The following ROBO1 variants were observed in gnomAD, a reference collection of about 807,000 sequenced individuals.
ROBO1 encodes roundabout homolog 1.
Under a neutral mutation model 195.9 loss-of-function variants are expected in ROBO1, and 149 were observed. The ratio of observed to expected loss-of-function variants is 0.76; its 90% CI spans 0.67 to 0.87. The LOEUF is 0.87. Ranked by LOEUF, ROBO1 falls within the 40% of genes least tolerant of loss-of-function variation. The pLI is 0.00. For synonymous variants in ROBO1, 816 were observed against 733.2 expected (o/e 1.11, Z -1.82); for missense variants, 1,933 against 2,068.3 (o/e 0.93, Z 1.27).
intron 2 of ROBO1, among the ~76,000 whole-genome samples, chr3:79,486,639 TGCCCA>T (rs1192106973): frequency 1.3e-5 from 2 of 152,204 alleles, no homozygotes; most frequent in African/African-American, 2.4e-5. Context: ...AATATTGGGT[TGCCCA>T]GCAAAATTTT....
intron 3 of ROBO1, among the ~76,000 whole-genome samples, chr3:78,969,691 G>T (rs533022423): frequency 6.6e-6 from 1 of 152,144 alleles, no homozygotes; most frequent in Admixed American, 6.5e-5. Context: ...AGAGCCACAT[G>T]TGGAGATTTT....
At chr3:78,777,868 T>C (rs1441547936) in intron 4 of ROBO1, among the ~76,000 whole-genome samples, 1 of 152,256 alleles carries the variant, frequency 6.6e-6, no homozygotes, top group African/African-American at 2.4e-5. Flanking sequence ...CTTCCAATTC[T>C]ATATTGAATA....
intron 5 of ROBO1, among the ~76,000 whole-genome samples, chr3:78,731,614 T>G (rs1423137439): frequency 1.3e-5 from 2 of 152,172 alleles, no homozygotes; most frequent in African/African-American, 4.8e-5. Context: ...ATTCTTATGA[T>G]TTCAGTCATC....
chr3:79,377,482 G>A (rs1484269135), intron 2 of ROBO1, among the ~76,000 whole-genome samples: 1 of 152,154 alleles, frequency 6.6e-6, no homozygotes, highest in African/African-American at 2.4e-5. Flanking sequence ...CTAATTGAGC[G>A]ATGAACAGAA....
At chr3:78,722,702 T>G (rs58423115) in intron 5 of ROBO1, among the ~76,000 whole-genome samples, 42,660 of 151,942 alleles carry the variant, frequency 0.28, 6,429 homozygotes, top group African/African-American at 0.4. Flanking sequence ...TAAAAAGGAT[T>G]TCTAAATCCT....
intron 4 of ROBO1, among the ~76,000 whole-genome samples, chr3:78,854,792 T>A (rs550718692): frequency 6.6e-6 from 1 of 152,208 alleles, no homozygotes; most frequent in Non-Finnish European, 1.5e-5. Context: ...TCTAAAAAAA[T>A]GCGATGAAGA....
intron 4 of ROBO1, among the ~76,000 whole-genome samples, chr3:78,768,533 A>G (rs1344622276): frequency 2.0e-5 from 3 of 151,810 alleles, no homozygotes; most frequent in Non-Finnish European, 4.4e-5. Context: ...GCATGGTTTG[A>G]TGTTTTTCTA....
At chr3:78,785,734 C>T (rs186198350) in intron 4 of ROBO1, among the ~76,000 whole-genome samples, 56 of 152,256 alleles carry the variant, frequency 3.7e-4, no homozygotes, top group Admixed American at 3.0e-3. Context: ...GTCCACCGTA[C>T]GTTTTCATTG....
At chr3:79,317,588 A>C (rs1160880050) in intron 2 of ROBO1, among the ~76,000 whole-genome samples, 1 of 152,136 alleles carries the variant, frequency 6.6e-6, no homozygotes, top group Admixed American at 6.6e-5. Context: ...TCATGTTATA[A>C]ACAAATCTAA....
At chr3:78,745,125 C>T (rs942786584) in intron 5 of ROBO1, among the ~76,000 whole-genome samples, 1 of 151,578 alleles carries the variant, frequency 6.6e-6, no homozygotes, top group East Asian at 2.0e-4. Flanking sequence ...CTGGCCAACA[C>T]GGTGAAACCT....
At chr3:79,571,779 C>T (rs1189675524) in intron 2 of ROBO1, among the ~76,000 whole-genome samples, 2 of 151,992 alleles carry the variant, frequency 1.3e-5, no homozygotes, top group South Asian at 2.1e-4. Flanking sequence ...TATCAACACC[C>T]AGAGGAAGGA....
intron 5 of ROBO1, among the ~76,000 whole-genome samples, chr3:78,740,276 A>T (rs1411750455): frequency 6.6e-6 from 1 of 152,118 alleles, no homozygotes; most frequent in East Asian, 1.9e-4. Context: ...ATAAAATGAG[A>T]TGATATAAAA....
chr3:78,829,748 T>C (rs1233756912), intron 4 of ROBO1, among the ~76,000 whole-genome samples: 1 of 152,050 alleles, frequency 6.6e-6, no homozygotes, highest in Non-Finnish European at 1.5e-5. Flanking sequence ...TAGATAAGAG[T>C]TCTAATTCTC....
At chr3:79,283,552 A>G (rs1408836495) in intron 2 of ROBO1, among the ~76,000 whole-genome samples, 1 of 152,158 alleles carries the variant, frequency 6.6e-6, no homozygotes, top group Non-Finnish European at 1.5e-5. Context: ...AAAAATTTAG[A>G]TTTTATAGTT....
At chr3:78,676,641 A>C (rs1708450446) in intron 10 of ROBO1, among the ~76,000 whole-genome samples, 1 of 152,130 alleles carries the variant, frequency 6.6e-6, no homozygotes, top group South Asian at 2.1e-4. Flanking sequence ...AATAAAAAGA[A>C]ATGAACAAAG....
chr3:79,332,652 G>A (rs905018369), intron 2 of ROBO1, among the ~76,000 whole-genome samples: 7 of 151,390 alleles, frequency 4.6e-5, no homozygotes, highest in Admixed American at 2.0e-4. Context: ...CAGCTACAAC[G>A]TTAAAATTAA....
At chr3:79,454,813 T>C (rs1464235748) in intron 2 of ROBO1, among the ~76,000 whole-genome samples, 1 of 152,132 alleles carries the variant, frequency 6.6e-6, no homozygotes, top group Admixed American at 6.6e-5. Context: ...CTAAAACACA[T>C]ACCTCATGCC....
At chr3:79,631,079 C>A (rs539791730) in intron 1 of ROBO1, among the ~76,000 whole-genome samples, 5 of 151,778 alleles carry the variant, frequency 3.3e-5, no homozygotes, top group South Asian at 4.1e-4. Flanking sequence ...CATCCCAAAT[C>A]AATCAACAGA....
At chr3:78,699,197 C>G (rs891163758) in intron 8 of ROBO1, among the ~76,000 whole-genome samples, 7 of 152,034 alleles carry the variant, frequency 4.6e-5, no homozygotes, top group African/African-American at 1.7e-4. Flanking sequence ...CATTCACCTA[C>G]TATTTTGGTC....
Sources: allele counts gnomAD v4.1 joint callset (sites outside exome capture counted in the v4.1 genomes callset), GRCh38; gene constraint gnomAD v4.1.1; transcripts MANE v1.5; gene names NCBI Gene and HGNC (gene_info 2026-07-23, HGNC 2026-07-21).